Variants in VAV2 observed in about 807,000 individuals in gnomAD.
VAV2 encodes the protein guanine nucleotide exchange factor VAV2.
VAV2 carries 67 observed loss-of-function variants against 132.5 expected under a neutral mutation model. The ratio of observed to expected loss-of-function variants is 0.51; its 90% CI spans 0.42 to 0.62. The LOEUF is 0.62. Ranked by LOEUF, VAV2 falls within the 20% of genes least tolerant of loss-of-function variation. VAV2 has a pLI of 0.00. For synonymous variants in VAV2, 492 were observed against 443.5 expected, an observed-to-expected ratio of 1.11 and a Z score of -1.37; for missense variants, 938 against 1,153.6, an observed-to-expected ratio of 0.81 and a Z score of 2.71.
chr9:133,933,896 G>GGATGGGTGGATGGATGGATGGAT (rs1178319794), intron 2 of VAV2, among the ~76,000 whole-genome samples: 9 of 147,326 alleles, frequency 6.1e-5, no homozygotes, highest in African/African-American at 2.3e-4. Flanking sequence ...ATGGATGGAT[G>GGATGGGTGGATGGATGGATGGAT]GATGGGTGGA....
At chr9:133,951,109 A>G (rs780759406) in intron 1 of VAV2, among the ~76,000 whole-genome samples, 1 of 152,194 alleles carries the variant, frequency 6.6e-6, no homozygotes, top group African/African-American at 2.4e-5. Flanking sequence ...CCGCAGCACT[A>G]GAGAGCTTCC....
rs76605198 is a variant in VAV2 at position 133,807,606 on chromosome 9, C to A, written c.667-280G>T. 1.8e-3 allele frequency among the ~76,000 whole-genome samples: 281 copies of A among 152,302 alleles called. 5 individuals carry two copies. The East Asian group carries it at 0.046, about 25-fold the overall frequency. The stretch of plus-strand genomic sequence containing the variant: ...AGGGTGGACTTGGGCACTATGGCTG[C>A]CCTGAGGTGGGCGTTGGGGTTGTGG... On this transcript the variant is annotated intron_variant, in intron 7 of 29. Transcript: ENST00000371850.
At chr9:133,914,402 C>T (rs1839984881) in intron 2 of VAV2, among the ~76,000 whole-genome samples, 1 of 151,524 alleles carries the variant, frequency 6.6e-6, no homozygotes, top group African/African-American at 2.4e-5. Context: ...ATAAACAAAA[C>T]GTGGTCTACC....
chr9:133,930,400 A>C (rs72764811), intron 2 of VAV2, among the ~76,000 whole-genome samples: 5 of 11,536 alleles, frequency 4.3e-4, no homozygotes, highest in African/African-American at 6.0e-4. Flanking sequence ...TGGCCTCCAC[A>C]CTGGCTCCTA....
intron 4 of VAV2, among the ~76,000 whole-genome samples, chr9:133,818,560 C>T (rs1383874656): frequency 6.6e-6 from 1 of 152,174 alleles, no homozygotes. Context: ...CTCCCTGGTT[C>T]TCTGACCTTT....
At chr9:133,841,960 C>T (rs909248096) in intron 3 of VAV2, among the ~76,000 whole-genome samples, 2 of 94,724 alleles carry the variant, frequency 2.1e-5, no homozygotes, top group Non-Finnish European at 4.1e-5. Flanking sequence ...TGGAAAAGCG[C>T]CCCTCCCCAC....
At position 133,795,648 on chromosome 9, in the gene VAV2, G is replaced by C; in HGVS notation, c.1101+20C>G. On this transcript the variant is annotated intron_variant, in intron 12 of 29. Transcript: ENST00000371850. ...TAAGCCAGACGGTGGCTTCTCCCCTGCCTCAGTTTACCCACACACCTGCAT... is the reference window on the plus strand; with the variant it reads ...TAAGCCAGACGGTGGCTTCTCCCCTCCCTCAGTTTACCCACACACCTGCAT... 1 of 1,613,766 alleles carries C rather than the reference G, an allele frequency of 6.2e-7. No individual in the cohort carries two copies. The highest frequency in any genetic ancestry group is 8.5e-7 in the Non-Finnish European group (1 of 1,179,676).
intron 2 of VAV2, among the ~76,000 whole-genome samples, chr9:133,934,621 C>T (rs1840836704): frequency 6.6e-6 from 1 of 152,246 alleles, no homozygotes; most frequent in South Asian, 2.1e-4. Flanking sequence ...CCAGGCTCTC[C>T]AGCCTTTGGT....
chr9:133,799,906 C>T (rs1316952659), intron 9 of VAV2, among the ~76,000 whole-genome samples: 1 of 152,108 alleles, frequency 6.6e-6, no homozygotes, highest in Non-Finnish European at 1.5e-5. Flanking sequence ...TCCCGGCGGC[C>T]GCCTGCACCT....
Position 133,991,249 on chromosome 9 carries a change from C to A in VAV2, c.204+826G>T, listed in dbSNP as rs754717777. 2.0e-5 allele frequency among the ~76,000 whole-genome samples: 3 copies of A among 152,174 alleles called. No homozygotes were observed. Among genetic ancestry groups the A allele is most frequent in the Non-Finnish European group, 4.4e-5 (3 of 68,026 alleles). On this transcript the variant is annotated intron_variant, in intron 1 of 29. Transcript: ENST00000371850. The surrounding 1 kb of genome is among the most constrained non-coding windows in gnomAD (Gnocchi z 4.8). ...ATTCCGCGACCCCCGGAGAACAGGA[C>A]GGAAGCCTCGATTCTCTCAAGTCTT... is the stretch of plus-strand genomic sequence containing the variant.
chr9:133,955,963 G>A (rs694511), intron 1 of VAV2, among the ~76,000 whole-genome samples: 57,895 of 149,710 alleles, frequency 0.39, 11,360 homozygotes, highest in Non-Finnish European at 0.43. Context: ...GCTCCGGGGA[G>A]CTCTCAGACG....
intron 1 of VAV2, among the ~76,000 whole-genome samples, chr9:133,989,562 G>C (rs1337181351): frequency 6.9e-6 from 1 of 144,414 alleles, no homozygotes; most frequent in South Asian, 2.2e-4. Flanking sequence ...GAGCGTGCCG[G>C]TAGTCCCAGC....
At chr9:133,811,981 G>A (rs777694307) in intron 5 of VAV2, 133 bp downstream of exon 5, 23 of 857,682 alleles carry the variant, frequency 2.7e-5, no homozygotes, top group Admixed American at 6.3e-5. Flanking sequence ...ACCTCTGGAC[G>A]TCCCCCTGCA....
intron 3 of VAV2, among the ~76,000 whole-genome samples, chr9:133,850,282 G>A (rs1837115053): frequency 6.6e-6 from 1 of 152,156 alleles, no homozygotes; most frequent in Admixed American, 6.5e-5. Flanking sequence ...CTCCGGGTCT[G>A]GGACCCACCA....
At position 133,979,733 on chromosome 9, in the gene VAV2, C is replaced by T. The variant is rs75529694; in HGVS notation, c.204+12342G>A. Among the ~76,000 whole-genome samples the T allele has an allele frequency of 3.3e-3, 510 of 152,316 alleles. 4 individuals are homozygous for T. The highest frequency in any genetic ancestry group is 0.012 in the African/African-American group (479 of 41,574). ...CAGCCTGCTGACTTTGCCAGGGCCC[C>T]GAGCTCCCCAACAGGCCCCAGCTGA... is the stretch of plus-strand genomic sequence containing the variant. On this transcript the variant is annotated intron_variant, in intron 1 of 29. Coordinates refer to ENST00000371850, the MANE Select transcript of VAV2 (RefSeq NM_001134398.2).
chr9:133,798,216 C>T (rs899413311), intron 9 of VAV2, among the ~76,000 whole-genome samples: 9 of 152,230 alleles, frequency 5.9e-5, no homozygotes, highest in Admixed American at 2.6e-4. Context: ...AGGCCCTGAG[C>T]ACCGAGGCCT....
At chr9:133,779,737 C>A (rs1048912459) in intron 21 of VAV2, among the ~76,000 whole-genome samples, 181 bp downstream of exon 21, 1 of 152,146 alleles carries the variant, frequency 6.6e-6, no homozygotes, top group East Asian at 1.9e-4. Context: ...GAGCCACCTC[C>A]CAAGGAGGTG....
In VAV2 at chr9:133,784,445, C is replaced by A. The variant is rs371739459; in HGVS notation, c.1533-27G>T. The A allele has an allele frequency of 1.3e-3, 2,095 of 1,611,718 alleles. 4 individuals carry two copies. The highest frequency in any genetic ancestry group is 1.6e-3 in the Admixed American group (95 of 60,014). ...TGGCAGGAGGGAAAGAGAGCAGATGCTACACCCACTGGATTCCCCGAGCCC... is the reference window on the plus strand; with the variant it reads ...TGGCAGGAGGGAAAGAGAGCAGATGATACACCCACTGGATTCCCCGAGCCC... On this transcript the variant is annotated intron_variant, in intron 17 of 29. Transcript: ENST00000371850.
At chr9:133,862,885 C>A (rs999329784) in intron 2 of VAV2, among the ~76,000 whole-genome samples, 3 of 152,224 alleles carry the variant, frequency 2.0e-5, no homozygotes, top group Admixed American at 1.3e-4. Context: ...AGAAAATGAA[C>A]CATAGAGACG....
Sources: gnomAD v4.1 joint callset for allele counts (sites outside exome capture counted in the v4.1 genomes callset) on GRCh38, gnomAD v4.1.1 for gene constraint, Gnocchi (gnomAD v3.1) non-coding constraint, MANE v1.5 for transcripts, NCBI Gene and HGNC (gene_info 2026-07-23, HGNC 2026-07-21) for gene names.